Variants in BSN observed in about 807,000 individuals in gnomAD.
BSN encodes the protein protein bassoon.
A neutral mutation model predicts 264.8 loss-of-function variants in BSN; 57 were observed. The observed-to-expected ratio is 0.22, with a 90% CI of 0.17 to 0.27. The LOEUF (loss-of-function observed/expected upper bound fraction) is 0.27, where lower values mean the gene tolerates loss of function less well. BSN is among the 10% of genes least tolerant of loss of function. The pLI is 1.00. For synonymous variants in BSN, 2,059 were observed against 2,137.3 expected (o/e 0.96, Z 1.01); for missense variants, 4,615 against 5,232.5 (o/e 0.88, Z 3.64).
intron 1 of BSN, among the ~76,000 whole-genome samples, chr3:49,593,450 A>G (rs2051995800): frequency 6.6e-6 from 1 of 152,194 alleles, no homozygotes; most frequent in Non-Finnish European, 1.5e-5. Context: ...TGGTAGTTGC[A>G]TGCTTAGTTT....
chr3:49,589,828 TTC>T (rs1244409972), intron 1 of BSN, among the ~76,000 whole-genome samples: 2 of 144,744 alleles, frequency 1.4e-5, no homozygotes, highest in East Asian at 4.0e-4. Context: ...TTATTTTTCC[TTC>T]TTTCTTTTTC....
At chr3:49,581,773 G>A (rs919324789) in intron 1 of BSN, among the ~76,000 whole-genome samples, 15 of 151,796 alleles carry the variant, frequency 9.9e-5, no homozygotes, top group African/African-American at 2.7e-4. Flanking sequence ...GCAGTGAGCC[G>A]AAATCGCGCC....
At chr3:49,672,781 CTTTTT>C (rs757536435), downstream of BSN, among the ~76,000 whole-genome samples, 11 of 106,984 alleles carry the variant, frequency 1.0e-4, no homozygotes, top group Non-Finnish European at 1.6e-4. Context: ...GCGCCTGGCA[CTTTTT>C]TTTTTTTTTT....
chr3:49,652,782 C>T lies in BSN; in HGVS notation c.3226C>T (p.Arg1076Trp), dbSNP rs1250850645. The change falls in exon 5 of 12, where the codon CGG (arginine) becomes TGG (tryptophan). Residue 1076 changes from arginine to tryptophan, a missense_variant. By Grantham distance (101) the Arg-to-Trp change is moderately radical. Around this residue, in one of 3 missense-constraint regions of BSN, gnomAD observed 3,415 missense variants for 3,866.4 expected, o/e 0.88. Transcript: ENST00000296452. ...RIRSTARKTRRDKEELRAQRR... is the reference protein window; with the variant it reads ...RIRSTARKTRWDKEELRAQRR... ...CCGCAGCACGGCCCGCAAGACCCGGCGGGACAAGGAAGAACTGCGGGCCCA... is the reference window on the plus strand; with the variant it reads ...CCGCAGCACGGCCCGCAAGACCCGGTGGGACAAGGAAGAACTGCGGGCCCA... The T allele has an allele frequency of 1.3e-6, 2 of 1,549,780 alleles. No homozygotes were observed.
At chr3:49,614,776 A>C (rs1359750583) in intron 1 of BSN, among the ~76,000 whole-genome samples, 3 of 152,164 alleles carry the variant, frequency 2.0e-5, no homozygotes, top group Admixed American at 2.0e-4. Context: ...TGTTACCCTT[A>C]TTTCCTATCC....
At chr3:49,593,315 G>T (rs1242793858) in intron 1 of BSN, among the ~76,000 whole-genome samples, 1 of 152,108 alleles carries the variant, frequency 6.6e-6, no homozygotes, top group Non-Finnish European at 1.5e-5. Flanking sequence ...AGGTCATCTG[G>T]GCTGACTCCA....
At chr3:49,574,520 G>C (rs1196894409) in intron 1 of BSN, among the ~76,000 whole-genome samples, 1 of 150,872 alleles carries the variant, frequency 6.6e-6, no homozygotes. Context: ...TGCAACCTCT[G>C]CCTCCTGGGT....
At chr3:49,641,845 C>T (rs1184858458) in intron 2 of BSN, 1 of 166,518 alleles carries the variant, frequency 6.0e-6, no homozygotes, top group Non-Finnish European at 1.3e-5. Flanking sequence ...TGCCTTTCCT[C>T]TTGGGTTAGG....
intron 2 of BSN, among the ~76,000 whole-genome samples, chr3:49,631,366 G>A (rs2052383155): frequency 6.6e-6 from 1 of 151,912 alleles, no homozygotes; most frequent in Non-Finnish European, 1.5e-5. Flanking sequence ...GACTAGTCTG[G>A]GCAACATGGC....
chr3:49,672,763 G>A (rs533679479), downstream of BSN, among the ~76,000 whole-genome samples: 173 of 149,866 alleles, frequency 1.2e-3, no homozygotes, highest in Non-Finnish European at 1.6e-3. Context: ...TTATAGGCGT[G>A]AGCCACCGCG....
intron 5 of BSN, among the ~76,000 whole-genome samples, chr3:49,659,241 G>C (rs1287467614): frequency 1.3e-5 from 2 of 152,132 alleles, no homozygotes; most frequent in Non-Finnish European, 2.9e-5. Flanking sequence ...GTGGGATCAG[G>C]ACTCTAGGCT....
At chr3:49,665,974 C>T (rs1353120106) in intron 11 of BSN, among the ~76,000 whole-genome samples, 2 of 152,270 alleles carry the variant, frequency 1.3e-5, no homozygotes, top group South Asian at 2.1e-4. Context: ...TGTCCTGGCC[C>T]TGGCCCTGGC....
At position 49,653,691 on chromosome 3, in the gene BSN, G is replaced by C; in HGVS notation, c.4135G>C (p.Gly1379Arg). Residue 1379 changes from glycine to arginine, a missense_variant, in exon 5 of 12, where the codon GGG becomes CGG. Around this residue, in one of 3 missense-constraint regions of BSN, gnomAD observed 3,415 missense variants for 3,866.4 expected, o/e 0.88. Coordinates refer to ENST00000296452, the MANE Select transcript of BSN (RefSeq NM_003458.4). The surrounding 1 kb of genome is among the most constrained non-coding windows in gnomAD (Gnocchi z 6.3). ...EIGMPFSQGPGTPATTAVAPC... is the reference protein window; with the variant it reads ...EIGMPFSQGPRTPATTAVAPC... ...AGGCATGCCCTTTTCCCAGGGCCCT[G>C]GGACCCCAGCCACCACAGCTGTGGC... 6.2e-7 allele frequency: 1 copy of C among 1,613,814 alleles called. No individual in the cohort carries two copies. Among genetic ancestry groups the C allele is most frequent in the East Asian group, 2.2e-5 (1 of 44,858 alleles).
rs989797626 is a variant in BSN at position 49,660,931 on chromosome 3, C to G, written c.9086C>G (p.Ala3029Gly). The change falls in exon 6 of 12, where the codon GCT (alanine) becomes GGT (glycine). Residue 3029 changes from alanine to glycine, a missense_variant. Physicochemically the swap from Ala to Gly is moderately conservative, Grantham distance 60. Coordinates refer to ENST00000296452, the MANE Select transcript of BSN (RefSeq NM_003458.4). The surrounding 1 kb of genome is among the most constrained non-coding windows in gnomAD (Gnocchi z 7.1). ...QLRLQGCTTPAGQFVDFPATA... is the reference protein window; with the variant it reads ...QLRLQGCTTPGGQFVDFPATA... ...CGGCTCCAGGGCTGCACCACTCCCG[C>G]TGGCCAGTTTGTGGACTTCCCTGCC... 3 of 1,612,248 alleles carry G rather than the reference C, an allele frequency of 1.9e-6. No homozygotes were observed. Among genetic ancestry groups the G allele is most frequent in the South Asian group, 1.1e-5 (1 of 91,088 alleles).
Position 49,653,106 on chromosome 3 carries a change from G to A in BSN, c.3550G>A (p.Ala1184Thr). Residue 1184 changes from alanine (A) to threonine (T), a missense_variant, in exon 5 of 12, where the codon GCT becomes ACT. This residue lies in a region of BSN where 3,415 missense variants were observed against 3,866.4 expected (regional missense o/e 0.88). Transcript: ENST00000296452. The surrounding 1 kb of genome is among the most constrained non-coding windows in gnomAD (Gnocchi z 6.3). ...CAGTTCCGGACGGCCGCTCAAGAGCGCTGAGGAGGCTTATGAGGAGATGAT... is the reference window on the plus strand; with the variant it reads ...CAGTTCCGGACGGCCGCTCAAGAGCACTGAGGAGGCTTATGAGGAGATGAT... The part of the protein sequence containing the change: ...TPSSGRPLKS[A>T]EEAYEEMMRK... 1.2e-6 allele frequency: 2 copies of A among 1,613,500 alleles called. No individual in the cohort carries two copies. Among genetic ancestry groups the A allele is most frequent in the South Asian group, 1.1e-5 (1 of 91,080 alleles).
At chr3:49,606,098 CAT>C (rs1215611401) in intron 1 of BSN, among the ~76,000 whole-genome samples, 11 of 45,516 alleles carry the variant, frequency 2.4e-4, no homozygotes, top group African/African-American at 4.4e-4. Context: ...TTATATATAA[CAT>C]ATAATATATA....
In BSN at chr3:49,605,531, A is replaced by AC. The variant is rs1337760534; in HGVS notation, c.225-19444_225-19443insC. On this transcript the variant is annotated intron_variant, in intron 1 of 11. Coordinates refer to ENST00000296452, the MANE Select transcript of BSN (RefSeq NM_003458.4). The stretch of plus-strand genomic sequence containing the variant: ...ATTATATAATATATATATAATATAT[A>AC]ATATATATTATATATATTTTATATA... Among the ~76,000 whole-genome samples the AC allele has an allele frequency of 2.0e-3, 11 of 5,540 alleles. 3 individuals carry two copies. Among genetic ancestry groups the AC allele is most frequent in the African/African-American group, 0.011 (11 of 996 alleles). 3.6% of individuals were successfully genotyped at this position (5,540 alleles called of 152,430 possible).
chr3:49,562,311 G>A (rs2051717591), intron 1 of BSN, among the ~76,000 whole-genome samples: 1 of 152,110 alleles, frequency 6.6e-6, no homozygotes, highest in African/African-American at 2.4e-5. Flanking sequence ...AACATCTTTT[G>A]GATACCTATC....
At position 49,573,656 on chromosome 3, in the gene BSN, G is replaced by GTTT. The variant is rs765415502; in HGVS notation, c.224+18830_224+18831insTTT. Among the ~76,000 whole-genome samples, 4 of 144,024 alleles carry GTTT rather than the reference G, an allele frequency of 2.8e-5. 1 individual carries two copies. The highest frequency in any genetic ancestry group is 6.1e-5 in the Non-Finnish European group (4 of 65,688). The allele number at this position is 144,024 out of a possible 152,430, so 94.5% of individuals were successfully genotyped here. A position where few individuals can be genotyped will look rare whatever the true frequency, so the allele number is the denominator to read the frequency against. ...GAGGTAGCAGCAGTACTTTCTCTCT[G>GTTT]GTTTTTTTTTTTTTTTTTGAGACGG... is the stretch of plus-strand genomic sequence containing the variant. On this transcript the variant is annotated intron_variant, in intron 1 of 11. Transcript: ENST00000296452.
Sources: allele counts gnomAD v4.1 joint callset (sites outside exome capture counted in the v4.1 genomes callset), GRCh38; gene constraint gnomAD v4.1.1; regional missense constraint gnomAD v4.1.1; non-coding constraint Gnocchi (gnomAD v3.1); transcripts MANE v1.5; gene names NCBI Gene and HGNC (gene_info 2026-07-23, HGNC 2026-07-21).